CYP39A1: variants seen among roughly 807,000 people sequenced by gnomAD.
CYP39A1 encodes the protein cytochrome P450 family 39 subfamily A member 1.
In CYP39A1, 49 loss-of-function variants were observed where a neutral mutation model predicts 58.1. The ratio of observed to expected loss-of-function variants is 0.84; its 90% CI spans 0.67 to 1.07. CYP39A1 has a LOEUF of 1.07. Among genes scored for constraint, CYP39A1 ranks in the 50% least tolerant of loss-of-function variants. The probability of loss-of-function intolerance (pLI) is 0.00; values close to 1 mark genes in which losing one functional copy is unlikely to be tolerated. For synonymous variants in CYP39A1, 209 were observed against 187.6 expected, an observed-to-expected ratio of 1.11 and a Z score of -0.93; for missense variants, 531 against 539.4, an observed-to-expected ratio of 0.98 and a Z score of 0.16.
At chr6:46,565,453 G>A (rs1433187040) in intron 10 of CYP39A1, among the ~76,000 whole-genome samples, 2 of 151,572 alleles carry the variant, frequency 1.3e-5, no homozygotes, top group Admixed American at 1.3e-4. Flanking sequence ...AAAGGGATAA[G>A]GGTAAGCTGA....
intron 10 of CYP39A1, among the ~76,000 whole-genome samples, chr6:46,581,443 A>C (rs2150503596): frequency 6.6e-6 from 1 of 152,158 alleles, no homozygotes; most frequent in African/African-American, 2.4e-5. Flanking sequence ...GAAAAGAAAA[A>C]GAAAGTATGG....
chr6:46,591,272 A>C (rs1772815541), intron 8 of CYP39A1, among the ~76,000 whole-genome samples: 2 of 152,190 alleles, frequency 1.3e-5, no homozygotes, highest in East Asian at 3.9e-4. Flanking sequence ...TGTCCTGATT[A>C]ACCTATGTGA....
chr6:46,581,172 C>T (rs1031973175), intron 10 of CYP39A1, among the ~76,000 whole-genome samples: 1 of 152,026 alleles, frequency 6.6e-6, no homozygotes, highest in African/African-American at 2.4e-5. Flanking sequence ...CTTTAGGAGG[C>T]CAAGGTGGGA....
At chr6:46,555,532 C>A (rs1770630274) in intron 10 of CYP39A1, among the ~76,000 whole-genome samples, 1 of 152,052 alleles carries the variant, frequency 6.6e-6, no homozygotes, top group East Asian at 1.9e-4. Context: ...CCTGCCCTTT[C>A]CACCTGTCTC....
chr6:46,627,767 T>TA (rs1446100949), intron 6 of CYP39A1, among the ~76,000 whole-genome samples: 1 of 152,144 alleles, frequency 6.6e-6, no homozygotes, highest in East Asian at 1.9e-4. Context: ...TTTCTATTTT[T>TA]AAAAAAGCCA....
In CYP39A1 at chr6:46,645,285, C is replaced by G. The variant is rs372358674; in HGVS notation, c.178-2987G>C. Among the ~76,000 whole-genome samples the G allele has an allele frequency of 5.9e-5, 9 of 152,010 alleles. No homozygotes were observed. The East Asian group carries it at 9.6e-4, about 16-fold the overall frequency. On this transcript the variant is annotated intron_variant, in intron 1 of 11. Transcript: ENST00000275016. ...ATATCTTTATGTTTTACATTTAAGT[C>G]TGTTATCTATTTTGAGTTAATTTTA... is the stretch of plus-strand genomic sequence containing the variant.
intron 7 of CYP39A1, among the ~76,000 whole-genome samples, chr6:46,609,036 C>G (rs1361321343): frequency 6.6e-6 from 1 of 152,098 alleles, no homozygotes; most frequent in East Asian, 1.9e-4. Flanking sequence ...ACAATAAACA[C>G]TTTTGTACAA....
chr6:46,601,921 G>C (rs1773531623), intron 7 of CYP39A1, among the ~76,000 whole-genome samples: 2 of 152,122 alleles, frequency 1.3e-5, no homozygotes, highest in South Asian at 4.2e-4. Flanking sequence ...CTCCTCTGCA[G>C]AAACCCTTTC....
In CYP39A1 at chr6:46,630,960, T is replaced by TA; in HGVS notation, c.840+2dup. The TA allele has an allele frequency of 6.2e-7, 1 of 1,606,282 alleles. No individual in the cohort carries two copies. Among genetic ancestry groups the TA allele is most frequent in the Non-Finnish European group, 8.5e-7 (1 of 1,173,584 alleles). On this transcript the variant is annotated splice_region_variant and intron_variant, in intron 6 of 11. Coordinates refer to ENST00000275016, the MANE Select transcript of CYP39A1 (RefSeq NM_016593.5). ...GTAACTCATACTTTACTAATATACT[T>TA]ACAGGAACAGCATTAGACAGAGAAG...
intron 7 of CYP39A1, among the ~76,000 whole-genome samples, chr6:46,622,431 C>T (rs1314804542): frequency 2.0e-5 from 3 of 151,890 alleles, no homozygotes; most frequent in Non-Finnish European, 4.4e-5. Flanking sequence ...GCACTTCTAC[C>T]TTCCTCTGCC....
intron 10 of CYP39A1, among the ~76,000 whole-genome samples, chr6:46,578,823 C>CA (rs1462981428): frequency 1.3e-5 from 2 of 151,710 alleles, no homozygotes; most frequent in Non-Finnish European, 2.9e-5. Flanking sequence ...ATCTAACAAC[C>CA]AAAAAAGCCC....
At chr6:46,555,630 G>A (rs1010960704) in intron 10 of CYP39A1, among the ~76,000 whole-genome samples, 2 of 152,128 alleles carry the variant, frequency 1.3e-5, no homozygotes, top group African/African-American at 2.4e-5. Flanking sequence ...GCTAGAATTT[G>A]CATGTCTGTC....
chr6:46,606,371 A>G (rs781519319), intron 7 of CYP39A1, among the ~76,000 whole-genome samples: 3 of 152,184 alleles, frequency 2.0e-5, no homozygotes, highest in Non-Finnish European at 4.4e-5. Context: ...GAAATACACT[A>G]AGTTTTCGAA....
rs1381768035 is a variant in CYP39A1 at position 46,588,110 on chromosome 6, C to T, written c.1085G>A (p.Gly362Asp). The T allele has an allele frequency of 2.5e-6, 4 of 1,592,846 alleles. No individual in the cohort carries two copies. Among genetic ancestry groups the T allele is most frequent in the Admixed American group, 1.7e-5 (1 of 57,672 alleles). Residue 362 changes from glycine (G) to aspartate (D), a missense_variant, in exon 9 of 12, where the codon GGT (glycine) becomes GAT (aspartate). Physicochemically the swap from Gly to Asp is moderately conservative, Grantham distance 94 (BLOSUM62 -1). Transcript: ENST00000275016. ...AAATGGAGACAACATCAACAAGTCA[C>T]CAGAAGGAATGATGTAATTCTATAA... is the stretch of plus-strand genomic sequence containing the variant. ...VEILNYIIPS[G>D]DLLMLSPFWL...
intron 7 of CYP39A1, among the ~76,000 whole-genome samples, chr6:46,599,539 A>C (rs904965052): frequency 7.9e-5 from 12 of 152,068 alleles, no homozygotes; most frequent in African/African-American, 2.9e-4. Flanking sequence ...AGGGTGTTCC[A>C]CTGAGGTTCC....
At chr6:46,570,934 A>G (rs977831744) in intron 10 of CYP39A1, among the ~76,000 whole-genome samples, 1 of 152,102 alleles carries the variant, frequency 6.6e-6, no homozygotes, top group Non-Finnish European at 1.5e-5. Flanking sequence ...ATATGTTTCC[A>G]TTTTTACTTG....
intron 1 of CYP39A1, among the ~76,000 whole-genome samples, chr6:46,648,340 G>C (rs1481902199): frequency 6.6e-6 from 1 of 151,848 alleles, no homozygotes. Flanking sequence ...CCATAAAAAA[G>C]GATGAGTTCA....
At position 46,553,723 on chromosome 6, in the gene CYP39A1, T is replaced by C. The variant is rs1049766354; in HGVS notation, c.1338+44A>G. The C allele has an allele frequency of 6.0e-6, 8 of 1,328,590 alleles. No individual in the cohort carries two copies. The East Asian group carries it at 1.6e-4, about 27-fold the overall frequency. The allele number at this position is 1,328,590 out of a possible 1,614,324, so 82.3% of individuals were successfully genotyped here. On this transcript the variant is annotated intron_variant, in intron 11 of 11. Coordinates refer to ENST00000275016, the MANE Select transcript of CYP39A1 (RefSeq NM_016593.5). Reference sequence around the variant, plus strand: ...GGGGGAAGTGGGGGTGGTTATGTCATATTTATAAGTAGTCATGATACTCAA... The same window carrying C: ...GGGGGAAGTGGGGGTGGTTATGTCACATTTATAAGTAGTCATGATACTCAA...
rs140364824 is a variant in CYP39A1, at chr6:46,639,800, A to T, written c.314-132T>A. On this transcript the variant is annotated intron_variant, in intron 2 of 11. Transcript: ENST00000275016. Reference sequence around the variant, plus strand: ...CTCAGTACATAAGGTCACCTCCCATAAATAAAAGTAGATAAAGATTCAACC... The same window carrying T: ...CTCAGTACATAAGGTCACCTCCCATTAATAAAAGTAGATAAAGATTCAACC... 147 of 675,100 alleles carry T rather than the reference A, an allele frequency of 2.2e-4. No homozygotes were observed. The African/African-American group carries it at 2.2e-3, about 10-fold the overall frequency. 41.8% of individuals were successfully genotyped at this position (675,100 alleles called of 1,614,324 possible).
Sources: allele counts gnomAD v4.1 joint callset (sites outside exome capture counted in the v4.1 genomes callset), GRCh38; gene constraint gnomAD v4.1.1; transcripts MANE v1.5; gene names NCBI Gene and HGNC (gene_info 2026-07-23, HGNC 2026-07-21).